Variants in HDGFL3 observed in about 807,000 individuals in gnomAD.
The protein encoded by HDGFL3 is hepatoma-derived growth factor-related protein 3.
In HDGFL3, 6 loss-of-function variants were observed where a neutral mutation model predicts 27.6. That is an observed-to-expected ratio of 0.22 (90% confidence interval 0.12 to 0.43). HDGFL3 has a LOEUF of 0.43. HDGFL3 is among the 20% of genes least tolerant of loss of function. The pLI is 1.00. For synonymous variants in HDGFL3, 88 were observed against 88.9 expected, an observed-to-expected ratio of 0.99 and a Z score of 0.05; for missense variants, 207 against 250.1, an observed-to-expected ratio of 0.83 and a Z score of 1.16.
At position 83,178,682 on chromosome 15, in the gene HDGFL3, C is replaced by T. The variant is rs12594496; in HGVS notation, c.85-14607G>A. 7.0e-3 allele frequency among the ~76,000 whole-genome samples: 1,058 copies of T among 152,106 alleles called. 47 individuals are homozygous for T. In the East Asian group the frequency reaches 0.13, roughly 18 times the overall value. On this transcript the variant is annotated intron_variant, in intron 1 of 5. Transcript: ENST00000299633. ...AAAAATAAAGAAGAAAAAAAAAGTT[C>T]CTCACTTCTCATAGAGCTAAGTTTC...
exon 4 of HDGFL3, chr15:83,113,270 G>T (rs1346241365): frequency 3.2e-6 from 1 of 310,942 alleles, no homozygotes; most frequent in Non-Finnish European, 6.2e-6. Context: ...TAACTGTGTG[G>T]TGTCTGGGTC....
intron 4 of HDGFL3, among the ~76,000 whole-genome samples, chr15:83,155,058 T>A (rs1287275263): frequency 6.6e-6 from 1 of 151,912 alleles, no homozygotes; most frequent in Non-Finnish European, 1.5e-5. Flanking sequence ...GGAGATGAGG[T>A]CTCACTATGT....
At chr15:83,157,824 G>T (rs966642767) in intron 3 of HDGFL3, 79 bp downstream of exon 3, 1 of 1,307,640 alleles carries the variant, frequency 7.6e-7, no homozygotes. Context: ...TTAGTAGAAA[G>T]GACATATAAG....
Position 83,133,131 on chromosome 15 carries a change from T to C in HDGFL3, c.*6139A>G. ...CCTCACCCGAGGCCATACGGCTGGTTTGTGGTGGAGCTGTGATTTGACTCT... is the reference window on the plus strand; with the variant it reads ...CCTCACCCGAGGCCATACGGCTGGTCTGTGGTGGAGCTGTGATTTGACTCT... On this transcript the variant is annotated 3_prime_UTR_variant, in exon 6 of 6. Transcript: ENST00000299633. 1 of 152,234 alleles carries C rather than the reference T, an allele frequency of 6.6e-6. No homozygotes were observed. Among genetic ancestry groups the C allele is most frequent in the East Asian group, 1.9e-4 (1 of 5,192 alleles). The allele number at this position is 152,234 out of a possible 1,614,324, so 9.4% of individuals were successfully genotyped here.
In HDGFL3 at chr15:83,136,655, G is replaced by A. The variant is rs1269617141; in HGVS notation, c.*2615C>T. 1 of 1,592,746 alleles carries A rather than the reference G, an allele frequency of 6.3e-7. No individual in the cohort carries two copies. The highest frequency in any genetic ancestry group is 8.5e-7 in the Non-Finnish European group (1 of 1,174,654). The stretch of plus-strand genomic sequence containing the variant: ...AGAGTTCTTCATAAAAACAAAGGCA[G>A]AAGAAAAAGTGGAATAAAAATATTA... On this transcript the variant is annotated 3_prime_UTR_variant, in exon 6 of 6. Coordinates refer to ENST00000299633, the MANE Select transcript of HDGFL3 (RefSeq NM_016073.4).
chr15:83,166,472 C>T (rs541684992), intron 1 of HDGFL3, among the ~76,000 whole-genome samples: 8 of 152,086 alleles, frequency 5.3e-5, no homozygotes, highest in African/African-American at 1.7e-4. Context: ...GTTCTAAATA[C>T]GGAAACAAAA....
chr15:83,182,979 C>A (rs1318335592), intron 1 of HDGFL3, among the ~76,000 whole-genome samples: 1 of 152,134 alleles, frequency 6.6e-6, no homozygotes, highest in African/African-American at 2.4e-5. Flanking sequence ...CCGTGATATT[C>A]AACTTTTGTG....
chr15:83,141,896 G>T (rs545081049), intron 5 of HDGFL3, among the ~76,000 whole-genome samples: 1 of 152,158 alleles, frequency 6.6e-6, no homozygotes, highest in Non-Finnish European at 1.5e-5. Context: ...TATTCAGAGC[G>T]CTAGACAAAC....
chr15:83,118,230 TAC>T (rs72160704), intron 3 of HDGFL3, among the ~76,000 whole-genome samples: 15,815 of 145,502 alleles, frequency 0.11, 1,048 homozygotes, highest in African/African-American at 0.19. Context: ...TCTCTGTACG[TAC>T]ACACACACAC....
chr15:83,193,635 T>C (rs1342579370), intron 1 of HDGFL3, among the ~76,000 whole-genome samples: 1 of 152,168 alleles, frequency 6.6e-6, no homozygotes, highest in Non-Finnish European at 1.5e-5. Flanking sequence ...CAACTCTCCG[T>C]AGGACACACC....
intron 3 of HDGFL3, among the ~76,000 whole-genome samples, chr15:83,118,933 T>G (rs936724715): frequency 6.6e-6 from 1 of 152,150 alleles, no homozygotes; most frequent in African/African-American, 2.4e-5. Context: ...CTCTTCTTGG[T>G]CTCTGCTAGG....
intron 4 of HDGFL3, among the ~76,000 whole-genome samples, chr15:83,151,837 T>C (rs1046166626): frequency 1.1e-4 from 16 of 152,222 alleles, no homozygotes; most frequent in African/African-American, 3.9e-4. Context: ...TTGAAGCTGT[T>C]TGGCTAATGG....
chr15:83,158,995 T>C (rs72758307), intron 2 of HDGFL3, among the ~76,000 whole-genome samples: 8,123 of 152,096 alleles, frequency 0.053, 272 homozygotes, highest in East Asian at 0.12. Context: ...GCATGCTCCA[T>C]CACATCTGAC....
At chr15:83,147,874 G>C (rs1418503210) in intron 5 of HDGFL3, among the ~76,000 whole-genome samples, 1 of 152,178 alleles carries the variant, frequency 6.6e-6, no homozygotes, top group Non-Finnish European at 1.5e-5. Context: ...ATATCTGCAA[G>C]AAATATGATG....
downstream of HDGFL3, chr15:83,126,603 A>G (rs761657462): frequency 2.2e-5 from 13 of 597,858 alleles, no homozygotes; most frequent in Non-Finnish European, 3.5e-5. Flanking sequence ...CAAATCTGCA[A>G]AATATTTCCA....
chr15:83,145,861 CTTTT>C (rs1182072065), intron 5 of HDGFL3, among the ~76,000 whole-genome samples: 1 of 66,872 alleles, frequency 1.5e-5, no homozygotes, highest in African/African-American at 5.6e-5. Flanking sequence ...TTTGTTCTTT[CTTTT>C]TTTTTTTTCT....
chr15:83,202,529 C>T (rs2037660448), intron 1 of HDGFL3, among the ~76,000 whole-genome samples: 1 of 151,954 alleles, frequency 6.6e-6, no homozygotes, highest in Admixed American at 6.6e-5. Context: ...GAAGATGCAG[C>T]TTGGTAGGAG....
At chr15:83,165,794 C>CAAAAAAAAAAAAA (rs57873221) in intron 1 of HDGFL3, among the ~76,000 whole-genome samples, 3 of 13,846 alleles carry the variant, frequency 2.2e-4, no homozygotes, top group Non-Finnish European at 1.8e-4. Context: ...GAATCCATCT[C>CAAAAAAAAAAAAA]AAAAAAAAAA....
At position 83,162,230 on chromosome 15, in the gene HDGFL3, G is replaced by A. The variant is rs527427881; in HGVS notation, c.161+1769C>T. On this transcript the variant is annotated intron_variant, in intron 2 of 5. Transcript: ENST00000299633. ...GACATAATTTCTGCCTTCAGAGAGG[G>A]TGAACATTCATACTTGCCAGGGCAA... Among the ~76,000 whole-genome samples the A allele has an allele frequency of 1.1e-3, 171 of 152,254 alleles. 1 individual carries two copies. The highest frequency in any genetic ancestry group is 7.0e-4 in the African/African-American group (29 of 41,558).
Sources: gnomAD v4.1 joint callset for allele counts (sites outside exome capture counted in the v4.1 genomes callset) on GRCh38, gnomAD v4.1.1 for gene constraint, MANE v1.5 for transcripts, NCBI Gene and HGNC (gene_info 2026-07-23, HGNC 2026-07-21) for gene names.